XRN2: variants seen among roughly 807,000 people sequenced by gnomAD.
XRN2 encodes the protein DHM1-like protein.
Under a neutral mutation model 138.5 loss-of-function variants are expected in XRN2, and 44 were observed. The ratio of observed to expected loss-of-function variants is 0.32; its 90% CI spans 0.25 to 0.41. The LOEUF (loss-of-function observed/expected upper bound fraction) is 0.41. XRN2 is among the 10% of genes least tolerant of loss of function. The pLI is 1.00. For missense variants in XRN2, 937 were observed against 1,169.3 expected, an observed-to-expected ratio of 0.80 and a Z score of 2.90; for synonymous variants, 354 against 369.4, an observed-to-expected ratio of 0.96 and a Z score of 0.48.
At chr20:21,327,880 C>T (rs1348706155) in intron 3 of XRN2, among the ~76,000 whole-genome samples, 2 of 152,162 alleles carry the variant, frequency 1.3e-5, no homozygotes, top group African/African-American at 4.8e-5. Flanking sequence ...AAACTCAGTT[C>T]AGTAACTTCG....
In XRN2 at chr20:21,332,379, G is replaced by A. The variant is rs1401609313; in HGVS notation, c.797G>A (p.Cys266Tyr). The A allele has an allele frequency of 2.1e-5, 34 of 1,613,446 alleles. No homozygotes were observed. Among genetic ancestry groups the A allele is most frequent in the Non-Finnish European group, 2.8e-5 (33 of 1,179,770 alleles). Residue 266 changes from cysteine (C) to tyrosine (Y), a missense_variant, in exon 9 of 30, where the codon TGT (cysteine) becomes TAT (tyrosine). Physicochemically the swap from Cys to Tyr is radical, Grantham distance 194 (BLOSUM62 -2). Coordinates refer to ENST00000377191, the MANE Select transcript of XRN2 (RefSeq NM_012255.5). ...KPNKPKPCGL[C>Y]NQFGHEVKDC... ...AACAAGCCCAAACCATGTGGTCTTT[G>A]TAATCAGTTTGGACATGAGGTCAAA...
In XRN2 at chr20:21,356,137, A is replaced by G. The variant is rs770756092; in HGVS notation, c.2078A>G (p.His693Arg). ...VLFVGKHHPL[H>R]DFILELYQTG... ...TTTGTGGGGAAACATCACCCACTCC[A>G]TGACTTCATTTTAGAGCTGTACCAG... The change falls in exon 22 of 30, where the codon CAT (histidine) becomes CGT (arginine). Residue 693 changes from histidine (H) to arginine (R), a missense_variant. By Grantham distance (29) the His-to-Arg change is conservative. Transcript: ENST00000377191. 2 of 1,612,926 alleles carry G rather than the reference A, an allele frequency of 1.2e-6. No individual in the cohort carries two copies. The highest frequency in any genetic ancestry group is 1.7e-6 in the Non-Finnish European group (2 of 1,179,292).
intron 1 of XRN2, among the ~76,000 whole-genome samples, chr20:21,319,898 A>G (rs2038013899): frequency 6.6e-6 from 1 of 152,198 alleles, no homozygotes; most frequent in East Asian, 1.9e-4. Flanking sequence ...TATAAGCTCA[A>G]CATTATACTA....
intron 21 of XRN2, among the ~76,000 whole-genome samples, chr20:21,355,620 GATC>G (rs1414072025): frequency 5.3e-5 from 8 of 151,746 alleles, no homozygotes; most frequent in Non-Finnish European, 1.2e-4. Flanking sequence ...GATAACTATT[GATC>G]TTTTTGAAAC....
At chr20:21,369,972 A>G (rs1459109786) in intron 27 of XRN2, among the ~76,000 whole-genome samples, 2 of 152,162 alleles carry the variant, frequency 1.3e-5, no homozygotes, top group South Asian at 4.1e-4. Context: ...ATTTTCCCCA[A>G]AGTTTTGTTG....
chr20:21,318,861 C>T (rs193183543), intron 1 of XRN2, among the ~76,000 whole-genome samples: 5 of 151,890 alleles, frequency 3.3e-5, no homozygotes, highest in East Asian at 1.9e-4. Flanking sequence ...GAGCATATTT[C>T]GTGTACACCT....
chr20:21,352,010 C>G (rs2038516144), intron 20 of XRN2, among the ~76,000 whole-genome samples: 1 of 152,164 alleles, frequency 6.6e-6, no homozygotes, highest in Non-Finnish European at 1.5e-5. Context: ...CAACTTTATT[C>G]ATATTCAAGG....
intron 24 of XRN2, among the ~76,000 whole-genome samples, chr20:21,365,204 C>A (rs6075796): frequency 1.3e-5 from 2 of 152,118 alleles, no homozygotes; most frequent in African/African-American, 2.4e-5. Flanking sequence ...CAATAGTCAG[C>A]TAGAACATAA....
At chr20:21,339,183 AGGACTTAGTCAG>A in intron 14 of XRN2, 95 bp downstream of exon 14, 1 of 1,306,694 alleles carries the variant, frequency 7.7e-7, no homozygotes. Flanking sequence ...CTTGTCCAGT[AGGACTTAGTCAG>A]GGACGTAAGT....
chr20:21,341,167 A>C (rs943447125), intron 15 of XRN2, among the ~76,000 whole-genome samples: 1 of 152,160 alleles, frequency 6.6e-6, no homozygotes, highest in Admixed American at 6.5e-5. Flanking sequence ...AATGCAGATG[A>C]ACCACACACT....
At chr20:21,367,192 T>C (rs984392671) in intron 26 of XRN2, among the ~76,000 whole-genome samples, 12 of 152,166 alleles carry the variant, frequency 7.9e-5, no homozygotes, top group Admixed American at 4.6e-4. Flanking sequence ...GTTTTTATCC[T>C]TTGCCCTTTT....
rs757444281 is a variant in XRN2, at chr20:21,333,634, C to A, written c.933+16C>A. 3.2e-5 allele frequency: 52 copies of A among 1,613,198 alleles called. No individual in the cohort carries two copies. Among genetic ancestry groups the A allele is most frequent in the Admixed American group, 1.2e-4 (7 of 60,000 alleles). ...TCTTCGTGAGGTATGTAGCAATAATCATTGAAATCAGCACTCTAAAGCAGG... is the reference window on the plus strand; with the variant it reads ...TCTTCGTGAGGTATGTAGCAATAATAATTGAAATCAGCACTCTAAAGCAGG... On this transcript the variant is annotated intron_variant, in intron 10 of 29. Coordinates refer to ENST00000377191, the MANE Select transcript of XRN2 (RefSeq NM_012255.5).
At chr20:21,352,396 C>T (rs758945583) in intron 20 of XRN2, among the ~76,000 whole-genome samples, 5 of 151,860 alleles carry the variant, frequency 3.3e-5, no homozygotes, top group Admixed American at 6.6e-5. Flanking sequence ...GACGCGATCT[C>T]GGCTCACTGT....
In XRN2 at chr20:21,303,333, C is replaced by T. The variant is rs1162610318; in HGVS notation, c.-66C>T. On this transcript the variant is annotated 5_prime_UTR_variant, in exon 1 of 30. Transcript: ENST00000377191. ...GGGAGGAAGTGCTGGTGCCCTCTGCCGCTGCTCCCGTCTCTTTGGTTACGC... is the reference window on the plus strand; with the variant it reads ...GGGAGGAAGTGCTGGTGCCCTCTGCTGCTGCTCCCGTCTCTTTGGTTACGC... 6.6e-7 allele frequency: 1 copy of T among 1,524,752 alleles called. No homozygotes were observed. Among genetic ancestry groups the T allele is most frequent in the Non-Finnish European group, 8.8e-7 (1 of 1,132,030 alleles). 94.5% of individuals were successfully genotyped at this position (1,524,752 alleles called of 1,614,324 possible).
intron 1 of XRN2, among the ~76,000 whole-genome samples, chr20:21,314,400 A>C (rs2037928925): frequency 6.6e-6 from 1 of 152,134 alleles, no homozygotes; most frequent in Non-Finnish European, 1.5e-5. Context: ...TTAAACATTC[A>C]TGTTATGTTT....
At chr20:21,317,604 A>G (rs2037977771) in intron 1 of XRN2, among the ~76,000 whole-genome samples, 1 of 152,180 alleles carries the variant, frequency 6.6e-6, no homozygotes, top group African/African-American at 2.4e-5. Flanking sequence ...ATAATGGTGT[A>G]ATATTTGCAT....
chr20:21,315,137 G>A (rs1254324349), intron 1 of XRN2, among the ~76,000 whole-genome samples: 2 of 152,232 alleles, frequency 1.3e-5, no homozygotes, highest in Non-Finnish European at 2.9e-5. Context: ...CCGGGCAGTT[G>A]CGCCCTCACT....
chr20:21,353,166 AAT>A (rs1308856450), intron 20 of XRN2, among the ~76,000 whole-genome samples: 1 of 146,148 alleles, frequency 6.8e-6, no homozygotes, highest in African/African-American at 2.5e-5. Context: ...TATATAATAT[AAT>A]ATATGTTTAT....
chr20:21,323,490 C>T (rs1457653955), intron 1 of XRN2, among the ~76,000 whole-genome samples: 3 of 152,150 alleles, frequency 2.0e-5, no homozygotes, highest in African/African-American at 4.8e-5. Flanking sequence ...GAACAGGAAA[C>T]GTGTTGGTAT....
Sources: allele counts gnomAD v4.1 joint callset (sites outside exome capture counted in the v4.1 genomes callset), GRCh38; gene constraint gnomAD v4.1.1; transcripts MANE v1.5; gene names NCBI Gene and HGNC (gene_info 2026-07-23, HGNC 2026-07-21).